Variants in CADM2 observed in about 807,000 individuals in gnomAD.
The protein encoded by CADM2 is cell adhesion molecule 2.
A neutral mutation model predicts 49.8 loss-of-function variants in CADM2; 12 were observed. The observed-to-expected ratio is 0.24, with a 90% CI of 0.15 to 0.39. The LOEUF (loss-of-function observed/expected upper bound fraction) is 0.39. Ranked by LOEUF, CADM2 falls within the 10% of genes least tolerant of loss-of-function variation. The pLI, the probability that CADM2 is intolerant of heterozygous loss-of-function variation, is 1.00. For synonymous variants in CADM2, 214 were observed against 175.4 expected, an observed-to-expected ratio of 1.22 and a Z score of -1.74; for missense variants, 378 against 492.3, an observed-to-expected ratio of 0.77 and a Z score of 2.20.
intron 7 of CADM2, among the ~76,000 whole-genome samples, chr3:85,960,101 C>CTTATATTACA (rs1174765240): frequency 1.3e-5 from 2 of 151,890 alleles, no homozygotes; most frequent in African/African-American, 4.8e-5. Context: ...ATTACAAGAT[C>CTTATATTACA]ACACTCTCCA....
At chr3:85,400,102 C>T (rs750965499) in intron 1 of CADM2, among the ~76,000 whole-genome samples, 5 of 152,074 alleles carry the variant, frequency 3.3e-5, no homozygotes, top group Non-Finnish European at 7.4e-5. Context: ...AGGTAGCTCT[C>T]ATTATTTTGA....
intron 1 of CADM2, among the ~76,000 whole-genome samples, chr3:85,678,255 A>C (rs745983697): frequency 6.6e-6 from 1 of 152,130 alleles, no homozygotes; most frequent in Non-Finnish European, 1.5e-5. Context: ...GTAGACAATG[A>C]GCTGTGTCAA....
At chr3:86,060,407 G>T (rs970113956) in intron 8 of CADM2, among the ~76,000 whole-genome samples, 2 of 152,068 alleles carry the variant, frequency 1.3e-5, no homozygotes, top group Non-Finnish European at 2.9e-5. Context: ...TCATATTTCA[G>T]TTGCAAAGAT....
intron 3 of CADM2, among the ~76,000 whole-genome samples, chr3:85,876,387 G>T (rs1230361692): frequency 6.6e-6 from 1 of 151,898 alleles, no homozygotes; most frequent in Non-Finnish European, 1.5e-5. Context: ...TTGATAATCC[G>T]CATATTCAAT....
chr3:85,397,207 A>T (rs900165112), intron 1 of CADM2, among the ~76,000 whole-genome samples: 1 of 152,166 alleles, frequency 6.6e-6, no homozygotes, highest in African/African-American at 2.4e-5. Flanking sequence ...TAGAAGTGAG[A>T]TATCACTTCA....
At chr3:85,208,486 A>G (rs569885394) in intron 1 of CADM2, among the ~76,000 whole-genome samples, 26 of 152,242 alleles carry the variant, frequency 1.7e-4, no homozygotes, top group African/African-American at 6.0e-4. Context: ...CCTGGGAAAA[A>G]TGCATTTGCA....
intron 1 of CADM2, among the ~76,000 whole-genome samples, chr3:85,682,534 C>A (rs889656005): frequency 1.3e-5 from 2 of 152,016 alleles, no homozygotes; most frequent in Non-Finnish European, 1.5e-5. Context: ...TTGCTCCAAA[C>A]TGAAGTCAGA....
chr3:85,934,761 G>A (rs1324703369), intron 6 of CADM2, among the ~76,000 whole-genome samples: 1 of 151,926 alleles, frequency 6.6e-6, no homozygotes, highest in Non-Finnish European at 1.5e-5. Flanking sequence ...TCATTTAACT[G>A]GCTCTAAAAT....
chr3:85,734,913 T>C (rs2068071014), intron 2 of CADM2, among the ~76,000 whole-genome samples: 1 of 151,424 alleles, frequency 6.6e-6, no homozygotes, highest in Non-Finnish European at 1.5e-5. Context: ...AGAGATATAG[T>C]AAAAGAGCAT....
chr3:85,699,409 G>A (rs942162670), intron 1 of CADM2, among the ~76,000 whole-genome samples: 10 of 152,156 alleles, frequency 6.6e-5, no homozygotes, highest in Non-Finnish European at 1.0e-4. Context: ...GAGATTCCCC[G>A]TGAGGTCTCT....
At chr3:85,816,213 CTT>C (rs891167702) in intron 3 of CADM2, among the ~76,000 whole-genome samples, 1 of 142,204 alleles carries the variant, frequency 7.0e-6, no homozygotes. Context: ...GGAAATGGAG[CTT>C]TTTTTTTTTT....
Position 85,811,088 on chromosome 3 carries a change from C to T in CADM2, c.238+8892C>T, listed in dbSNP as rs376774659. 7.3e-4 allele frequency among the ~76,000 whole-genome samples: 111 copies of T among 152,292 alleles called. 1 individual carries two copies. Among genetic ancestry groups the T allele is most frequent in the African/African-American group, 2.6e-3 (107 of 41,554 alleles). ...ACTGAAATGTTGACATTCAAAGCAACATATGCATGCCTAAATTGTTTCCAC... is the reference window on the plus strand; with the variant it reads ...ACTGAAATGTTGACATTCAAAGCAATATATGCATGCCTAAATTGTTTCCAC... On this transcript the variant is annotated intron_variant, in intron 3 of 9. Coordinates refer to ENST00000383699, the MANE Select transcript of CADM2 (RefSeq NM_001167675.2).
At chr3:85,519,865 G>A (rs866064354) in intron 1 of CADM2, among the ~76,000 whole-genome samples, 2 of 152,076 alleles carry the variant, frequency 1.3e-5, no homozygotes, top group Middle Eastern at 6.8e-3. Context: ...ATCCCGTAGA[G>A]GTTTTATTTT....
At chr3:85,676,682 A>G (rs992161456) in intron 1 of CADM2, among the ~76,000 whole-genome samples, 2 of 152,080 alleles carry the variant, frequency 1.3e-5, no homozygotes, top group East Asian at 3.9e-4. Context: ...ATTATAGCCT[A>G]TTCATTAAAA....
intron 1 of CADM2, among the ~76,000 whole-genome samples, chr3:85,513,347 G>GA (rs2060817941): frequency 6.6e-6 from 1 of 151,634 alleles, no homozygotes; most frequent in African/African-American, 2.4e-5. Flanking sequence ...TGCCTTCTCA[G>GA]AAAAAAAGGA....
At chr3:85,351,396 A>G (rs2031334100) in intron 1 of CADM2, among the ~76,000 whole-genome samples, 2 of 152,206 alleles carry the variant, frequency 1.3e-5, no homozygotes, top group South Asian at 4.1e-4. Flanking sequence ...ATAATTAAAG[A>G]AAAAAGCTGG....
intron 1 of CADM2, among the ~76,000 whole-genome samples, chr3:85,385,012 T>C (rs1026580694): frequency 1.3e-5 from 2 of 152,150 alleles, no homozygotes; most frequent in Non-Finnish European, 2.9e-5. Flanking sequence ...CTTGGCTCAC[T>C]GCCACTGCCG....
intron 8 of CADM2, among the ~76,000 whole-genome samples, chr3:85,978,990 A>C (rs1243809801): frequency 2.0e-5 from 3 of 151,666 alleles, no homozygotes; most frequent in Non-Finnish European, 4.4e-5. Flanking sequence ...GGAGCATGAA[A>C]AAGAAGTGAA....
intron 1 of CADM2, among the ~76,000 whole-genome samples, chr3:85,703,022 G>A (rs975087464): frequency 1.3e-5 from 2 of 152,088 alleles, no homozygotes; most frequent in Non-Finnish European, 2.9e-5. Flanking sequence ...TCGTATCTGG[G>A]ATTTTTGGTA....
Sources: allele counts gnomAD v4.1 joint callset (sites outside exome capture counted in the v4.1 genomes callset), GRCh38; gene constraint gnomAD v4.1.1; transcripts MANE v1.5; gene names NCBI Gene and HGNC (gene_info 2026-07-23, HGNC 2026-07-21).